The following PCLO variants were observed in gnomAD, a reference collection of about 807,000 sequenced individuals.
PCLO encodes the protein protein piccolo.
Under a neutral mutation model 427.5 loss-of-function variants are expected in PCLO, and 82 were observed. The observed-to-expected ratio is 0.19, with a 90% CI of 0.16 to 0.23. The LOEUF (loss-of-function observed/expected upper bound fraction) is 0.23, where lower values mean the gene tolerates loss of function less well. Among genes scored for constraint, PCLO ranks in the 10% least tolerant of loss-of-function variants. PCLO has a pLI of 1.00. For synonymous variants in PCLO, 2,357 were observed against 2,155.4 expected, an observed-to-expected ratio of 1.09 and a Z score of -2.59; for missense variants, 6,239 against 6,115.9, an observed-to-expected ratio of 1.02 and a Z score of -0.67.
intron 22 of PCLO, among the ~76,000 whole-genome samples, chr7:82,787,301 T>A (rs1228064333): frequency 1.3e-5 from 2 of 152,184 alleles, no homozygotes; most frequent in African/African-American, 2.4e-5. Flanking sequence ...AGATGGTATC[T>A]CATTGTGGTT....
In PCLO at chr7:83,135,345, G is replaced by T. The variant is rs368310854; in HGVS notation, c.2205C>A (p.Pro735=). 4 of 1,613,948 alleles carry T rather than the reference G, an allele frequency of 2.5e-6. No individual in the cohort carries two copies. Among genetic ancestry groups the T allele is most frequent in the Non-Finnish European group, 2.5e-6 (3 of 1,179,898 alleles). The change falls in exon 3 of 25, where the codon CCC becomes CCA. Residue 735 remains proline (P), a synonymous_variant. Coordinates refer to ENST00000333891, the MANE Select transcript of PCLO (RefSeq NM_033026.6). ...GCTCAGATGGGACAGAAGGTTCTTT[G>T]GGAGGGGCTGGCTTGGACAAAGAAT... is the stretch of plus-strand genomic sequence containing the variant. ...EADSLSKPAP[P]KEPSVPSEQD...
intron 20 of PCLO, among the ~76,000 whole-genome samples, chr7:82,810,892 A>C (rs1791555206): frequency 2.0e-5 from 3 of 151,684 alleles, no homozygotes; most frequent in African/African-American, 7.2e-5. Flanking sequence ...TGTAGACTTC[A>C]CTTTTACTAC....
chr7:82,881,334 C>T (rs1160573693), intron 9 of PCLO, among the ~76,000 whole-genome samples: 1 of 152,132 alleles, frequency 6.6e-6, no homozygotes, highest in Non-Finnish European at 1.5e-5. Context: ...TAGTTGGGTC[C>T]TTAGAGTCAT....
At chr7:82,868,353 G>A (rs953097138) in intron 10 of PCLO, among the ~76,000 whole-genome samples, 8 of 152,096 alleles carry the variant, frequency 5.3e-5, no homozygotes, top group Non-Finnish European at 1.2e-4. Context: ...GAATTCCAGA[G>A]GCCAACTTCT....
intron 22 of PCLO, among the ~76,000 whole-genome samples, chr7:82,791,846 A>G (rs1791108359): frequency 6.6e-6 from 1 of 152,088 alleles, no homozygotes; most frequent in African/African-American, 2.4e-5. Flanking sequence ...TAAATTTTAA[A>G]AAATTTTCAT....
intron 3 of PCLO, among the ~76,000 whole-genome samples, chr7:83,112,280 A>C (rs1166798307): frequency 9.2e-5 from 14 of 151,908 alleles, no homozygotes; most frequent in Non-Finnish European, 1.5e-5. Flanking sequence ...CTGGTCTCGA[A>C]CTCCTGACCT....
chr7:82,768,212 C>A (rs1790571967), intron 22 of PCLO, among the ~76,000 whole-genome samples: 2 of 152,080 alleles, frequency 1.3e-5, no homozygotes, highest in Admixed American at 6.6e-5. Context: ...CATTTGAGGA[C>A]AGGAGTTCGA....
intron 10 of PCLO, among the ~76,000 whole-genome samples, chr7:82,868,510 C>T (rs1793152284): frequency 6.6e-6 from 1 of 152,218 alleles, no homozygotes; most frequent in Non-Finnish European, 1.5e-5. Context: ...ACCAATTTCA[C>T]TCACCTACTC....
chr7:82,989,640 T>C (rs1796334106), intron 3 of PCLO, among the ~76,000 whole-genome samples: 1 of 152,158 alleles, frequency 6.6e-6, no homozygotes, highest in African/African-American at 2.4e-5. Flanking sequence ...TGATCTTACA[T>C]CTACTAATAC....
intron 3 of PCLO, among the ~76,000 whole-genome samples, chr7:83,028,713 C>G (rs111352473): frequency 6.6e-6 from 1 of 151,466 alleles, no homozygotes; most frequent in Admixed American, 6.6e-5. Flanking sequence ...AACTATACCA[C>G]AAGGCTACAG....
intron 22 of PCLO, among the ~76,000 whole-genome samples, chr7:82,775,087 A>G (rs1273614794): frequency 6.6e-6 from 1 of 152,176 alleles, no homozygotes; most frequent in Non-Finnish European, 1.5e-5. Flanking sequence ...AGTATTGAAC[A>G]ATATTCCATT....
At chr7:83,133,212 A>G (rs181284399) in intron 3 of PCLO, among the ~76,000 whole-genome samples, 3 of 152,168 alleles carry the variant, frequency 2.0e-5, no homozygotes, top group Admixed American at 2.0e-4. Flanking sequence ...CAAACTCTAA[A>G]GCTTATTTTA....
At chr7:83,076,253 G>A (rs572569966) in intron 3 of PCLO, among the ~76,000 whole-genome samples, 41 of 151,620 alleles carry the variant, frequency 2.7e-4, no homozygotes, top group Middle Eastern at 3.4e-3. Flanking sequence ...CTTTCAAAGG[G>A]TAAATGGTGG....
intron 22 of PCLO, among the ~76,000 whole-genome samples, chr7:82,792,314 G>A (rs748058913): frequency 1.3e-5 from 2 of 151,290 alleles, no homozygotes; most frequent in Non-Finnish European, 2.9e-5. Flanking sequence ...TATAACAAAA[G>A]GTTGAATAAT....
chr7:83,154,777 C>T lies in PCLO; in HGVS notation c.1864G>A (p.Gly622Ser), dbSNP rs986753709. 53 of 1,613,876 alleles carry T rather than the reference C, an allele frequency of 3.3e-5. No individual in the cohort carries two copies. The highest frequency in any genetic ancestry group is 4.5e-5 in the Non-Finnish European group (53 of 1,179,834). The change falls in exon 2 of 25, where the codon GGT becomes AGT. Residue 622 changes from glycine (G) to serine (S), a missense_variant. Physicochemically the swap from Gly to Ser is moderately conservative, Grantham distance 56. Around this residue, in one of 5 missense-constraint regions of PCLO, gnomAD observed 4,677 missense variants for 4,468.4 expected, o/e 1.05. Transcript: ENST00000333891. Reference sequence around the variant, plus strand: ...GTTAAATGAGGATTGGGATTAAAACCACAGAGACTACAGACAGTGGTTTGA... The same window carrying T: ...GTTAAATGAGGATTGGGATTAAAACTACAGAGACTACAGACAGTGGTTTGA... ...ECQTTVCSLC[G>S]FNPNPHLTEV... is the part of the protein sequence containing the mutation.
intron 3 of PCLO, among the ~76,000 whole-genome samples, chr7:83,009,944 T>C (rs984004534): frequency 7.9e-5 from 12 of 151,940 alleles, no homozygotes; most frequent in African/African-American, 2.9e-4. Flanking sequence ...ATTTGTAACA[T>C]GACAAGTGGT....
At chr7:82,992,843 TTC>T (rs1562904325) in intron 3 of PCLO, among the ~76,000 whole-genome samples, 5 of 146,762 alleles carry the variant, frequency 3.4e-5, no homozygotes, top group Non-Finnish European at 7.5e-5. Flanking sequence ...AGTACATTCA[TTC>T]ACCAAGGAAT....
At chr7:83,140,407 G>C (rs972080221) in intron 2 of PCLO, among the ~76,000 whole-genome samples, 12 of 152,116 alleles carry the variant, frequency 7.9e-5, no homozygotes, top group African/African-American at 2.7e-4. Flanking sequence ...ATATAATTCT[G>C]TTGGTGTTCT....
At chr7:83,107,986 TAAAAAAAAA>T (rs58192300) in intron 3 of PCLO, among the ~76,000 whole-genome samples, 4 of 95,400 alleles carry the variant, frequency 4.2e-5, no homozygotes, top group African/African-American at 1.1e-4. Flanking sequence ...AGACTCCGTC[TAAAAAAAAA>T]AAAAAAAAAA....
Sources: allele counts gnomAD v4.1 joint callset (sites outside exome capture counted in the v4.1 genomes callset), GRCh38; gene constraint gnomAD v4.1.1; regional missense constraint gnomAD v4.1.1; transcripts MANE v1.5; gene names NCBI Gene and HGNC (gene_info 2026-07-23, HGNC 2026-07-21).